Variants in CSMD1 observed in about 807,000 individuals in gnomAD.
CSMD1 encodes the protein CUB and sushi domain-containing protein 1.
CSMD1 carries 213 observed loss-of-function variants against 417.5 expected under a neutral mutation model. That is an observed-to-expected ratio of 0.51 (90% confidence interval 0.46 to 0.57). The LOEUF is 0.57. CSMD1 is among the 20% of genes least tolerant of loss of function. The pLI is 0.00. For missense variants in CSMD1, 6,923 were observed against 4,529.7 expected, an observed-to-expected ratio of 1.53 and a Z score of -15.17; for synonymous variants, 2,862 against 1,736.8, an observed-to-expected ratio of 1.65 and a Z score of -16.11.
chr8:3,130,005 A>T (rs866624259), intron 41 of CSMD1, among the ~76,000 whole-genome samples: 2 of 152,146 alleles, frequency 1.3e-5, no homozygotes, highest in Non-Finnish European at 2.9e-5. Flanking sequence ...AGAAAAGTTA[A>T]ATGTTGAATA....
chr8:3,598,147 A>C (rs1801181227), intron 8 of CSMD1, among the ~76,000 whole-genome samples: 1 of 152,202 alleles, frequency 6.6e-6, no homozygotes, highest in Admixed American at 6.5e-5. Flanking sequence ...TAACAAAACT[A>C]AGTAGGACCA....
chr8:4,191,039 C>G (rs910898407), intron 3 of CSMD1, among the ~76,000 whole-genome samples: 1 of 152,012 alleles, frequency 6.6e-6, no homozygotes. Flanking sequence ...CAACAAACCC[C>G]CATGACACCA....
intron 8 of CSMD1, among the ~76,000 whole-genome samples, chr8:3,594,346 A>G (rs571866159): frequency 3.9e-5 from 6 of 152,344 alleles, no homozygotes; most frequent in Admixed American, 1.3e-4. Flanking sequence ...CTTTAGTAAA[A>G]AGATAAGAAG....
At chr8:3,772,171 T>C (rs1401175991) in intron 5 of CSMD1, among the ~76,000 whole-genome samples, 1 of 61,842 alleles carries the variant, frequency 1.6e-5, no homozygotes, top group Non-Finnish European at 3.6e-5. Context: ...GGGCAACATA[T>C]ATATATATAT....
chr8:4,284,756 T>C (rs1796969238), intron 3 of CSMD1, among the ~76,000 whole-genome samples: 1 of 152,192 alleles, frequency 6.6e-6, no homozygotes, highest in South Asian at 2.1e-4. Flanking sequence ...GATAGCCTTC[T>C]TCTAACCACT....
At chr8:3,863,785 G>T (rs114673072) in intron 5 of CSMD1, among the ~76,000 whole-genome samples, 3,559 of 151,910 alleles carry the variant, frequency 0.023, 131 homozygotes, top group African/African-American at 0.08. Context: ...TAGTTTTTCT[G>T]CTTAAAAATT....
intron 3 of CSMD1, among the ~76,000 whole-genome samples, chr8:4,046,199 T>C (rs1276680763): frequency 1.3e-5 from 2 of 152,160 alleles, no homozygotes; most frequent in East Asian, 1.9e-4. Context: ...CGTGTGTGTG[T>C]AGAAAATAAT....
At chr8:3,568,438 G>C (rs899933906) in intron 10 of CSMD1, among the ~76,000 whole-genome samples, 15 of 152,038 alleles carry the variant, frequency 9.9e-5, no homozygotes, top group African/African-American at 3.4e-4. Context: ...ACTAAACAAA[G>C]AACAAATCAG....
At chr8:3,244,174 A>C (rs1200724544) in intron 26 of CSMD1, among the ~76,000 whole-genome samples, 1 of 152,234 alleles carries the variant, frequency 6.6e-6, no homozygotes, top group Non-Finnish European at 1.5e-5. Context: ...AATCAGGTTT[A>C]TAAAGTAGAA....
chr8:3,094,091 TA>T (rs1451493971), intron 47 of CSMD1, among the ~76,000 whole-genome samples: 3,098 of 148,760 alleles, frequency 0.021, 97 homozygotes, highest in African/African-American at 0.072. Context: ...GGGTTTTTTT[TA>T]TTTTATTTTA....
At chr8:4,842,448 C>T (rs1359543434) in intron 1 of CSMD1, among the ~76,000 whole-genome samples, 1 of 152,202 alleles carries the variant, frequency 6.6e-6, no homozygotes, top group African/African-American at 2.4e-5. Context: ...CTCTAAACTG[C>T]ATTTTGGTAA....
chr8:3,988,907 T>G (rs543938782), intron 5 of CSMD1, among the ~76,000 whole-genome samples: 1 of 152,210 alleles, frequency 6.6e-6, no homozygotes, highest in South Asian at 2.1e-4. Flanking sequence ...AGATCAATGT[T>G]TTAAAAGTTG....
chr8:4,248,765 T>C lies in CSMD1; in HGVS notation c.415+171188A>G, dbSNP rs372701977. Among the ~76,000 whole-genome samples the C allele has an allele frequency of 9.9e-5, 15 of 152,280 alleles. No homozygotes were observed. The East Asian group carries it at 1.5e-3, about 16-fold the overall frequency. The stretch of plus-strand genomic sequence containing the variant: ...CATTACATTACACTTATTAAGCGCA[T>C]GGTTTACTGTCAGTTTTCCTCCTCT... On this transcript the variant is annotated intron_variant, in intron 3 of 69. Coordinates refer to ENST00000635120, the MANE Select transcript of CSMD1 (RefSeq NM_033225.6).
chr8:4,399,050 G>A (rs758893512), intron 3 of CSMD1, among the ~76,000 whole-genome samples: 1 of 152,306 alleles, frequency 6.6e-6, no homozygotes, highest in East Asian at 1.9e-4. Flanking sequence ...TGTTCTGTAA[G>A]AATCTCAGTC....
intron 2 of CSMD1, among the ~76,000 whole-genome samples, chr8:4,571,266 CAT>C (rs1563297247): frequency 2.0e-5 from 3 of 152,172 alleles, no homozygotes; most frequent in Admixed American, 6.5e-5. Context: ...CCTGCTTTCT[CAT>C]GTGAGAATTT....
At chr8:4,946,979 G>C (rs142376076) in intron 1 of CSMD1, among the ~76,000 whole-genome samples, 1 of 152,270 alleles carries the variant, frequency 6.6e-6, no homozygotes, top group Non-Finnish European at 1.5e-5. Context: ...TGAGGAGTCA[G>C]TAATCAATGT....
intron 41 of CSMD1, among the ~76,000 whole-genome samples, chr8:3,133,656 G>A (rs112073365): frequency 0.014 from 2,106 of 152,254 alleles, 60 homozygotes; most frequent in African/African-American, 0.049. Flanking sequence ...GGAAGGGGAG[G>A]GGTGAGTGTG....
intron 3 of CSMD1, among the ~76,000 whole-genome samples, chr8:4,311,527 A>T (rs1236438827): frequency 6.6e-6 from 1 of 152,146 alleles, no homozygotes; most frequent in East Asian, 1.9e-4. Context: ...GTTCGAGACC[A>T]GCCTGACCAA....
intron 1 of CSMD1, among the ~76,000 whole-genome samples, chr8:4,712,941 A>G (rs1808405274): frequency 6.6e-6 from 1 of 152,228 alleles, no homozygotes; most frequent in Admixed American, 6.5e-5. Flanking sequence ...TCTCGCAATT[A>G]GAAAAAGGAA....
Sources: gnomAD v4.1 joint callset for allele counts (sites outside exome capture counted in the v4.1 genomes callset) on GRCh38, gnomAD v4.1.1 for gene constraint, MANE v1.5 for transcripts, NCBI Gene and HGNC (gene_info 2026-07-23, HGNC 2026-07-21) for gene names.